Variants in SNX1 observed in about 807,000 individuals in gnomAD.
The protein encoded by SNX1 is sorting nexin 1, also known as sorting nexin-1.
SNX1 carries 36 observed loss-of-function variants against 71.8 expected under a neutral mutation model. The observed-to-expected ratio is 0.50, with a 90% confidence interval of 0.38 to 0.66. SNX1 has a LOEUF of 0.66. Among genes scored for constraint, SNX1 ranks in the 30% least tolerant of loss-of-function variants. The probability of loss-of-function intolerance (pLI) is 0.00; values close to 1 mark genes in which losing one functional copy is unlikely to be tolerated. For missense variants in SNX1, 612 were observed against 646.7 expected (o/e 0.95, Z 0.58); for synonymous variants, 254 against 240.7 (o/e 1.06, Z -0.51).
intron 1 of SNX1, among the ~76,000 whole-genome samples, chr15:64,108,848 CGTGGTG>C (rs1471295045): frequency 6.6e-6 from 1 of 151,374 alleles, no homozygotes; most frequent in East Asian, 2.0e-4. Context: ...ATGAGCCAGG[CGTGGTG>C]GTGGGCGCCC....
At position 64,127,727 on chromosome 15, in the gene SNX1, T is replaced by G; in HGVS notation, c.732-4T>G. 6.2e-7 allele frequency: 1 copy of G among 1,612,766 alleles called. No individual in the cohort carries two copies. The highest frequency in any genetic ancestry group is 1.1e-5 in the South Asian group (1 of 91,050). ...TAACCAGATGATAACTGCTTACCTT[T>G]TAGGTACCTTCAGAGGATTGTAAAT... On this transcript the variant is annotated splice_polypyrimidine_tract_variant and splice_region_variant and intron_variant, in intron 7 of 14. Transcript: ENST00000559844.
intron 1 of SNX1, among the ~76,000 whole-genome samples, chr15:64,110,627 C>T (rs2081069434): frequency 6.6e-6 from 1 of 152,112 alleles, no homozygotes; most frequent in Admixed American, 6.5e-5. Flanking sequence ...GTCTCCAACT[C>T]CTGGGCTTAA....
At chr15:64,125,024 G>C (rs551174994) in intron 5 of SNX1, among the ~76,000 whole-genome samples, 2 of 152,272 alleles carry the variant, frequency 1.3e-5, no homozygotes, top group Admixed American at 1.3e-4. Flanking sequence ...GTGAGCTCTA[G>C]ATTATGATAC....
intron 6 of SNX1, among the ~76,000 whole-genome samples, 156 bp from the exon 7 acceptor site, chr15:64,127,018 A>T (rs1253795943): frequency 1.3e-5 from 2 of 152,178 alleles, no homozygotes; most frequent in Non-Finnish European, 2.9e-5. Context: ...GCTCTCATGT[A>T]AAGAACCTTT....
At chr15:64,128,541 A>T (rs945090227) in intron 8 of SNX1, among the ~76,000 whole-genome samples, 3 of 152,180 alleles carry the variant, frequency 2.0e-5, no homozygotes, top group Non-Finnish European at 4.4e-5. Flanking sequence ...TTTATTTTTA[A>T]ATTTTTCTTT....
chr15:64,102,013 T>G (rs932329229), intron 1 of SNX1, among the ~76,000 whole-genome samples: 1 of 152,180 alleles, frequency 6.6e-6, no homozygotes, highest in African/African-American at 2.4e-5. Context: ...CCCATAAACA[T>G]GTACAATTGT....
At position 64,142,632 on chromosome 15, in the gene SNX1, A is replaced by G. The variant is rs1009592923; in HGVS notation, c.*5014A>G. On this transcript the variant is annotated 3_prime_UTR_variant, in exon 15 of 15. Coordinates refer to ENST00000559844, the MANE Select transcript of SNX1 (RefSeq NM_003099.5). ...ATAATTAAAATTTTCTGAGATAGGA[A>G]TGTCATATTTACCTATTTAAGCCAA... 2.2e-6 allele frequency: 1 copy of G among 455,904 alleles called. No homozygotes were observed. The highest frequency in any genetic ancestry group is 4.4e-6 in the Non-Finnish European group (1 of 226,754). 28.2% of individuals were successfully genotyped at this position (455,904 alleles called of 1,614,324 possible).
In SNX1 at chr15:64,096,008, A is replaced by G. The variant is rs753851777; in HGVS notation, c.-6A>G. 5 of 1,594,212 alleles carry G rather than the reference A, an allele frequency of 3.1e-6. No homozygotes were observed. Among genetic ancestry groups the G allele is most frequent in the Middle Eastern group, 1.7e-4 (1 of 6,022 alleles). ...TTGTTGCGGCTTCCGCCGCGGGTGGAAGAAGATGGCGTCGGGTGGTGGTGG... is the reference window on the plus strand; with the variant it reads ...TTGTTGCGGCTTCCGCCGCGGGTGGGAGAAGATGGCGTCGGGTGGTGGTGG... On this transcript the variant is annotated 5_prime_UTR_variant, in exon 1 of 15. Transcript: ENST00000559844.
intron 5 of SNX1, 109 bp downstream of exon 5, chr15:64,123,655 C>A: frequency 2.2e-6 from 2 of 910,520 alleles, no homozygotes; most frequent in Non-Finnish European, 1.8e-6. Flanking sequence ...TTGCCAACAT[C>A]TTCATGTTTA....
In SNX1 at chr15:64,138,279, A is replaced by T. The variant is rs78118062; in HGVS notation, c.*661A>T. On this transcript the variant is annotated 3_prime_UTR_variant, in exon 15 of 15. Transcript: ENST00000559844. ...TCTTAAAATAAGAGGAGCAAAATCT[A>T]TTAAAACCTATTCTCCTGCAAAGGA... 4.6e-4 allele frequency: 596 copies of T among 1,288,998 alleles called. 10 individuals carry two copies. The East Asian group carries it at 0.016, about 34-fold the overall frequency. The allele number at this position is 1,288,998 out of a possible 1,614,324, so 79.8% of individuals were successfully genotyped here. A position where few individuals can be genotyped will look rare whatever the true frequency, so the allele number is the denominator to read the frequency against.
At chr15:64,110,701 C>T (rs2081069855) in intron 1 of SNX1, among the ~76,000 whole-genome samples, 1 of 152,148 alleles carries the variant, frequency 6.6e-6, no homozygotes, top group African/African-American at 2.4e-5. Context: ...CACACGTGGC[C>T]ACAGTTTGGG....
Position 64,143,664 on chromosome 15 carries a change from C to T in SNX1, c.*6046C>T, listed in dbSNP as rs139865207. 1 of 152,374 alleles carries T rather than the reference C, an allele frequency of 6.6e-6. No homozygotes were observed. Among genetic ancestry groups the T allele is most frequent in the East Asian group, 1.9e-4 (1 of 5,188 alleles). The allele number at this position is 152,374 out of a possible 1,614,324, so 9.4% of individuals were successfully genotyped here. ...AATGCTGGGCTTGGTACCTTAAGCA[C>T]CCTTTCTCCCTTCCCCATCTTCATT... On this transcript the variant is annotated 3_prime_UTR_variant, in exon 15 of 15. Transcript: ENST00000559844.
chr15:64,138,472 CA>C lies in SNX1; in HGVS notation c.*858del. 2.9e-6 allele frequency: 1 copy of C among 345,828 alleles called. No homozygotes were observed. The allele number at this position is 345,828 out of a possible 1,614,324, so 21.4% of individuals were successfully genotyped here. ...AACTAAACCTATTTTTGTCACCCAT[CA>C]AAACACATCCTCAGTAGACTGTGTG... On this transcript the variant is annotated 3_prime_UTR_variant, in exon 15 of 15. Coordinates refer to ENST00000559844, the MANE Select transcript of SNX1 (RefSeq NM_003099.5).
At chr15:64,136,471 G>C in intron 13 of SNX1, 61 bp downstream of exon 13, 3 of 1,391,000 alleles carry the variant, frequency 2.2e-6, no homozygotes, top group Non-Finnish European at 2.0e-6. Context: ...AGTACTCTTG[G>C]TGTTGTCCAA....
intron 8 of SNX1, among the ~76,000 whole-genome samples, chr15:64,128,322 T>G (rs763007712): frequency 6.6e-6 from 1 of 152,240 alleles, no homozygotes; most frequent in Non-Finnish European, 1.5e-5. Flanking sequence ...ATTCTCATCA[T>G]AAACAAAGTA....
chr15:64,125,037 T>C (rs1049834981), intron 5 of SNX1, among the ~76,000 whole-genome samples: 4 of 152,184 alleles, frequency 2.6e-5, no homozygotes, highest in African/African-American at 9.7e-5. Flanking sequence ...TATGATACTT[T>C]AGAGGTTACT....
chr15:64,123,557 G>C lies in SNX1; in HGVS notation c.510+11G>C. 6.2e-7 allele frequency: 1 copy of C among 1,612,028 alleles called. No individual in the cohort carries two copies. Among genetic ancestry groups the C allele is most frequent in the Non-Finnish European group, 8.5e-7 (1 of 1,178,130 alleles). On this transcript the variant is annotated intron_variant, in intron 5 of 14. Coordinates refer to ENST00000559844, the MANE Select transcript of SNX1 (RefSeq NM_003099.5). Reference sequence around the variant, plus strand: ...AAAGTTACAACACAGGTGAGTCCAGGTGACCCTGCTGATGACCATCTTCAT... The same window carrying C: ...AAAGTTACAACACAGGTGAGTCCAGCTGACCCTGCTGATGACCATCTTCAT...
intron 2 of SNX1, 62 bp from the exon 3 acceptor site, chr15:64,118,055 A>G (rs552225620): frequency 4.6e-6 from 7 of 1,534,984 alleles, no homozygotes; most frequent in East Asian, 2.3e-5. Flanking sequence ...CTTAGCCTAT[A>G]CAAGTTTAGC....
At chr15:64,133,196 C>A (rs1196131886) in intron 11 of SNX1, among the ~76,000 whole-genome samples, 2 of 152,216 alleles carry the variant, frequency 1.3e-5, no homozygotes, top group African/African-American at 4.8e-5. Flanking sequence ...GAGAGAAGAG[C>A]AAAGGTTTCT....
Sources: allele counts gnomAD v4.1 joint callset (sites outside exome capture counted in the v4.1 genomes callset), GRCh38; gene constraint gnomAD v4.1.1; transcripts MANE v1.5; gene names NCBI Gene and HGNC (gene_info 2026-07-23, HGNC 2026-07-21).